Variants in GPC3 observed in about 807,000 individuals in gnomAD.
GPC3 encodes the protein glypican-3.
Under a neutral mutation model 34.4 loss-of-function variants are expected in GPC3, and 3 were observed. The observed-to-expected ratio is 0.09, with a 90% confidence interval of 0.04 to 0.23. The LOEUF (loss-of-function observed/expected upper bound fraction) is 0.23. Among genes scored for constraint, GPC3 ranks in the 10% least tolerant of loss-of-function variants. The pLI is 1.00. For synonymous variants in GPC3, 177 were observed against 174.0 expected (o/e 1.02, Z -0.13); for missense variants, 351 against 445.6 (o/e 0.79, Z 1.91).
chrX:133,839,493 T>C (rs2075814193), intron 2 of GPC3, among the ~76,000 whole-genome samples: 1 of 111,155 alleles, frequency 9.0e-6, no homozygotes, highest in Admixed American at 9.6e-5. Flanking sequence ...CTCAATAAAG[T>C]TGAAGGGAAA....
At chrX:133,887,559 A>G (rs2076067031) in intron 2 of GPC3, among the ~76,000 whole-genome samples, 2 of 111,844 alleles carry the variant, frequency 1.8e-5, no homozygotes, top group Admixed American at 1.9e-4. Flanking sequence ...TGAGTTCCTC[A>G]TATACTCTGG....
intron 3 of GPC3, among the ~76,000 whole-genome samples, chrX:133,748,494 T>G (rs919485754): frequency 3.6e-5 from 4 of 111,577 alleles, no homozygotes; most frequent in Non-Finnish European, 5.7e-5. Context: ...ACGGATCTAT[T>G]TATAGTCTCA....
At chrX:133,816,325 G>T in intron 2 of GPC3, among the ~76,000 whole-genome samples, 1 of 111,920 alleles carries the variant, frequency 8.9e-6, no homozygotes, top group Middle Eastern at 4.6e-3. Flanking sequence ...AAAGTGCTAG[G>T]GTGACAGGTG....
chrX:133,902,852 A>G (rs745985619), intron 2 of GPC3, among the ~76,000 whole-genome samples: 3 of 107,767 alleles, frequency 2.8e-5, no homozygotes, highest in African/African-American at 1.1e-4. Context: ...CTATCTGTAT[A>G]CTATAGTCAG....
At chrX:133,625,267 G>A (rs766398897) in intron 6 of GPC3, among the ~76,000 whole-genome samples, 5 of 111,835 alleles carry the variant, frequency 4.5e-5, no homozygotes, top group Admixed American at 3.8e-4. Context: ...AGACAGAGAT[G>A]CCCTCTCTCA....
chrX:133,606,333 G>A (rs184264391), intron 6 of GPC3, among the ~76,000 whole-genome samples: 6 of 112,546 alleles, frequency 5.3e-5, no homozygotes, highest in Non-Finnish European at 5.6e-5. Flanking sequence ...GCATAGCATG[G>A]TGGTTAAAGG....
At chrX:133,906,383 A>G (rs1000175486) in intron 2 of GPC3, among the ~76,000 whole-genome samples, 1 of 112,121 alleles carries the variant, frequency 8.9e-6, no homozygotes, top group African/African-American at 3.2e-5. Flanking sequence ...ATTAAATTAA[A>G]ATATAGATAT....
chrX:133,917,220 C>T (rs969044909), intron 2 of GPC3, among the ~76,000 whole-genome samples: 5 of 111,810 alleles, frequency 4.5e-5, no homozygotes, highest in Admixed American at 9.5e-5. Flanking sequence ...CTGTGTTTCT[C>T]TTTTTGTTCA....
At chrX:133,773,127 C>T (rs1012372030) in intron 2 of GPC3, among the ~76,000 whole-genome samples, 1 of 111,208 alleles carries the variant, frequency 9.0e-6, no homozygotes, top group Non-Finnish European at 1.9e-5. Flanking sequence ...GGTGCAATCT[C>T]GGCTCACTGC....
intron 1 of GPC3, among the ~76,000 whole-genome samples, chrX:133,980,863 G>C (rs760135785): frequency 8.9e-5 from 10 of 111,799 alleles, no homozygotes; most frequent in African/African-American, 3.3e-4. Flanking sequence ...GTAATAAGCC[G>C]CCTTTTTCTA....
intron 6 of GPC3, among the ~76,000 whole-genome samples, chrX:133,645,000 C>A: frequency 9.0e-6 from 1 of 111,721 alleles, no homozygotes; most frequent in Admixed American, 9.5e-5. Context: ...AAGCTGGTCT[C>A]GAACTTCTGA....
intron 2 of GPC3, among the ~76,000 whole-genome samples, chrX:133,825,565 C>A (rs915170595): frequency 1.4e-4 from 16 of 111,879 alleles, no homozygotes; most frequent in African/African-American, 4.6e-4. Context: ...ACTGACAAGG[C>A]TCTGTGACTG....
intron 7 of GPC3, among the ~76,000 whole-genome samples, chrX:133,593,402 G>C (rs913923728): frequency 1.3e-5 from 1 of 77,483 alleles, no homozygotes; most frequent in African/African-American, 4.8e-5. Flanking sequence ...TGGGAAAACA[G>C]AAACAAGAAC....
intron 7 of GPC3, among the ~76,000 whole-genome samples, chrX:133,553,993 C>T (rs1342057714): frequency 9.4e-6 from 1 of 106,486 alleles, no homozygotes; most frequent in African/African-American, 3.6e-5. Context: ...ATACTACAGA[C>T]TATCCTCTTT....
At chrX:133,684,593 C>T (rs1324591898) in intron 5 of GPC3, among the ~76,000 whole-genome samples, 2 of 111,498 alleles carry the variant, frequency 1.8e-5, no homozygotes, top group Non-Finnish European at 3.8e-5. Flanking sequence ...TTTCTGTACC[C>T]TCTTCCTCTT....
At chrX:133,800,767 A>T (rs1009119230) in intron 2 of GPC3, among the ~76,000 whole-genome samples, 3 of 111,865 alleles carry the variant, frequency 2.7e-5, no homozygotes, top group Non-Finnish European at 5.6e-5. Context: ...TGAGAAAAAA[A>T]CAGTGCCAGT....
chrX:133,649,624 A>AGGC (rs982220836), intron 6 of GPC3, among the ~76,000 whole-genome samples: 1 of 111,707 alleles, frequency 9.0e-6, no homozygotes, highest in Non-Finnish European at 1.9e-5. Flanking sequence ...TGGCAAACAA[A>AGGC]GGCGGCAGCA....
At chrX:133,645,354 A>T (rs1305658477) in intron 6 of GPC3, among the ~76,000 whole-genome samples, 1 of 111,742 alleles carries the variant, frequency 8.9e-6, no homozygotes, top group Non-Finnish European at 1.9e-5. Flanking sequence ...GCCGTTGTCT[A>T]CCATACTGGG....
rs184619888 is a variant in GPC3, at chrX:133,974,530, T to C, written c.175+10745A>G. On this transcript the variant is annotated intron_variant, in intron 1 of 7. Transcript: ENST00000370818. ...TGCAGAGTCTTGGATCATGACAACA[T>C]ATACTCATACTTTCTCTTAATCAAG... is the stretch of plus-strand genomic sequence containing the variant. Among the ~76,000 whole-genome samples, 182 of 112,294 alleles carry C rather than the reference T, an allele frequency of 1.6e-3. 2 individuals carry two copies. Among genetic ancestry groups the C allele is most frequent in the African/African-American group, 4.5e-3 (139 of 30,939 alleles).
Sources: gnomAD v4.1 joint callset for allele counts (sites outside exome capture counted in the v4.1 genomes callset) on GRCh38, gnomAD v4.1.1 for gene constraint, MANE v1.5 for transcripts, NCBI Gene and HGNC (gene_info 2026-07-23, HGNC 2026-07-21) for gene names.